Variants in FHIT observed in about 807,000 individuals in gnomAD.
The protein encoded by FHIT is fragile histidine triad diadenosine triphosphatase, also known as bis(5'-adenosyl)-triphosphatase.
Under a neutral mutation model 17.9 loss-of-function variants are expected in FHIT, and 19 were observed. The ratio of observed to expected loss-of-function variants is 1.06; its 90% CI spans 0.74 to 1.56. The LOEUF (loss-of-function observed/expected upper bound fraction) is 1.56, where lower values mean the gene tolerates loss of function less well. Among genes scored for constraint, FHIT ranks in the 40% most tolerant of loss-of-function variants. FHIT has a pLI of 0.00. For missense variants in FHIT, 248 were observed against 189.2 expected (o/e 1.31, Z -1.82); for synonymous variants, 81 against 69.7 (o/e 1.16, Z -0.81).
chr3:61,121,243 A>C (rs2036447808), intron 2 of FHIT, among the ~76,000 whole-genome samples: 1 of 152,144 alleles, frequency 6.6e-6, no homozygotes, highest in Non-Finnish European at 1.5e-5. Flanking sequence ...AATACAGAGA[A>C]CGCCACAAAT....
intron 5 of FHIT, among the ~76,000 whole-genome samples, chr3:60,323,578 G>A (rs1256347549): frequency 3.3e-5 from 5 of 152,130 alleles, no homozygotes; most frequent in African/African-American, 1.2e-4. Flanking sequence ...AGGGAGAGGA[G>A]GAAATCCTAG....
At chr3:60,585,124 G>T (rs574250808) in intron 4 of FHIT, among the ~76,000 whole-genome samples, 1 of 151,948 alleles carries the variant, frequency 6.6e-6, no homozygotes, top group Non-Finnish European at 1.5e-5. Context: ...TATCTAAAAA[G>T]GGATTATATC....
chr3:60,633,718 T>C (rs2107777538), intron 4 of FHIT, among the ~76,000 whole-genome samples: 1 of 152,258 alleles, frequency 6.6e-6, no homozygotes, highest in Middle Eastern at 3.4e-3. Flanking sequence ...TCAACAAACC[T>C]TCAGCCTCCC....
chr3:60,940,620 T>C (rs1274206296), intron 3 of FHIT, among the ~76,000 whole-genome samples: 1 of 152,202 alleles, frequency 6.6e-6, no homozygotes, highest in Non-Finnish European at 1.5e-5. Context: ...TCTTTATCAA[T>C]CACTTTTTTC....
chr3:60,178,062 AGTGTCCT>A (rs1701760556), intron 5 of FHIT, among the ~76,000 whole-genome samples: 1 of 152,174 alleles, frequency 6.6e-6, no homozygotes, highest in African/African-American at 2.4e-5. Context: ...GTTAATATGA[AGTGTCCT>A]GATTAGCTAT....
At chr3:60,442,188 C>G (rs548437152) in intron 5 of FHIT, among the ~76,000 whole-genome samples, 1 of 151,984 alleles carries the variant, frequency 6.6e-6, no homozygotes, top group East Asian at 2.0e-4. Context: ...ATGTCATTCT[C>G]TTTTTTGAAA....
At chr3:61,235,634 G>A (rs185138794) in intron 1 of FHIT, among the ~76,000 whole-genome samples, 69 of 152,060 alleles carry the variant, frequency 4.5e-4, no homozygotes, top group Middle Eastern at 3.4e-3. Flanking sequence ...CCCAGGAGGC[G>A]GAGGTTGCAG....
chr3:60,441,726 G>GTATATATATATA (rs2030832197), intron 5 of FHIT, among the ~76,000 whole-genome samples: 2 of 63,068 alleles, frequency 3.2e-5, no homozygotes, highest in Non-Finnish European at 5.3e-5. Flanking sequence ...ATATATATTT[G>GTATATATATATA]TATTTATATA....
chr3:60,974,834 CAAT>C (rs1015798411), intron 3 of FHIT, among the ~76,000 whole-genome samples: 2 of 152,096 alleles, frequency 1.3e-5, no homozygotes, highest in African/African-American at 4.8e-5. Flanking sequence ...TGAAATTTAT[CAAT>C]AATATCAAAT....
At chr3:60,733,401 G>A (rs1420717064) in intron 4 of FHIT, among the ~76,000 whole-genome samples, 1 of 152,104 alleles carries the variant, frequency 6.6e-6, no homozygotes, top group African/African-American at 2.4e-5. Flanking sequence ...ATATTCCTGT[G>A]TAGCACACAT....
At chr3:59,875,788 G>T (rs1176629986) in intron 8 of FHIT, among the ~76,000 whole-genome samples, 1 of 145,786 alleles carries the variant, frequency 6.9e-6, no homozygotes, top group East Asian at 1.9e-4. Context: ...TATGGAAAGA[G>T]GGAGGGCCTG....
At chr3:60,492,220 A>C (rs1449561548) in intron 5 of FHIT, among the ~76,000 whole-genome samples, 1 of 152,232 alleles carries the variant, frequency 6.6e-6, no homozygotes, top group East Asian at 1.9e-4. Flanking sequence ...ATGTGGAAGG[A>C]ACAGGCAACA....
rs887538792 is a variant in FHIT at position 60,474,716 on chromosome 3, C to T, written c.103+62144G>A. ...TCGGCTCACCACAACCTCTGCCTCC[C>T]GGGTTCAAGAGATTCTCCTGCCTCA... On this transcript the variant is annotated intron_variant, in intron 5 of 9. Coordinates refer to ENST00000492590, the MANE Select transcript of FHIT (RefSeq NM_002012.4). 4.6e-5 allele frequency among the ~76,000 whole-genome samples: 7 copies of T among 151,916 alleles called. No homozygotes were observed. The East Asian group carries it at 7.7e-4, about 17-fold the overall frequency.
intron 5 of FHIT, among the ~76,000 whole-genome samples, chr3:60,024,874 G>T (rs1376604596): frequency 6.6e-6 from 1 of 152,224 alleles, no homozygotes; most frequent in Non-Finnish European, 1.5e-5. Context: ...GGAGAGTGGA[G>T]ATGTATGACA....
At chr3:59,914,844 C>A (rs570793303) in intron 8 of FHIT, among the ~76,000 whole-genome samples, 30 of 151,536 alleles carry the variant, frequency 2.0e-4, no homozygotes, top group African/African-American at 7.0e-4. Context: ...AATCCCTATA[C>A]TCTCATTTCT....
chr3:60,607,602 C>T (rs577317483), intron 4 of FHIT, among the ~76,000 whole-genome samples: 35 of 152,088 alleles, frequency 2.3e-4, no homozygotes, highest in Admixed American at 2.0e-3. Context: ...TTTCTAGTAT[C>T]ACAATTTCCC....
chr3:60,729,273 G>A (rs1383338837), intron 4 of FHIT, among the ~76,000 whole-genome samples: 2 of 152,210 alleles, frequency 1.3e-5, no homozygotes, highest in African/African-American at 4.8e-5. Flanking sequence ...GAAAGTGGAT[G>A]CGCCAGTGTG....
chr3:60,672,428 C>A (rs1553694178), intron 4 of FHIT, among the ~76,000 whole-genome samples: 1 of 151,996 alleles, frequency 6.6e-6, no homozygotes, highest in Non-Finnish European at 1.5e-5. Context: ...AGTGGGGGTG[C>A]TTTTTGAGCC....
At chr3:60,331,666 G>A (rs1313924599) in intron 5 of FHIT, among the ~76,000 whole-genome samples, 5 of 152,000 alleles carry the variant, frequency 3.3e-5, no homozygotes, top group Non-Finnish European at 7.4e-5. Flanking sequence ...GACCAACATG[G>A]AGAAACCTCG....
Sources: gnomAD v4.1 joint callset for allele counts (sites outside exome capture counted in the v4.1 genomes callset) on GRCh38, gnomAD v4.1.1 for gene constraint, MANE v1.5 for transcripts, NCBI Gene and HGNC (gene_info 2026-07-23, HGNC 2026-07-21) for gene names.